SOX6: variants seen among roughly 807,000 people sequenced by gnomAD.
The protein encoded by SOX6 is SRY-box transcription factor 6, also known as transcription factor SOX-6.
In SOX6, 11 loss-of-function variants were observed where a neutral mutation model predicts 97.8. That is an observed-to-expected ratio of 0.11 (90% CI 0.07 to 0.19). The LOEUF (loss-of-function observed/expected upper bound fraction) is 0.19. Among genes scored for constraint, SOX6 ranks in the 10% least tolerant of loss-of-function variants. The pLI is 1.00. For synonymous variants in SOX6, 360 were observed against 371.4 expected (o/e 0.97, Z 0.35); for missense variants, 810 against 1,039.5 (o/e 0.78, Z 3.04).
At chr11:16,169,944 A>G (rs1850988050) in intron 6 of SOX6, among the ~76,000 whole-genome samples, 1 of 151,900 alleles carries the variant, frequency 6.6e-6, no homozygotes, top group Admixed American at 6.6e-5. Flanking sequence ...AAAAAGTGGT[A>G]GATTCATGTT....
intron 4 of SOX6, among the ~76,000 whole-genome samples, chr11:16,195,243 T>G (rs374415508): frequency 2.6e-5 from 4 of 152,170 alleles, no homozygotes; most frequent in African/African-American, 9.6e-5. Context: ...AAAACTAAGC[T>G]ATTGAGACAG....
intron 3 of SOX6, among the ~76,000 whole-genome samples, chr11:16,677,001 C>G (rs1221525660): frequency 1.3e-5 from 2 of 152,066 alleles, no homozygotes; most frequent in Non-Finnish European, 2.9e-5. Flanking sequence ...CCCAGCCTTT[C>G]TTCCTCAGCT....
intron 13 of SOX6, among the ~76,000 whole-genome samples, chr11:16,007,435 C>T (rs749339955): frequency 6.6e-6 from 1 of 151,980 alleles, no homozygotes; most frequent in South Asian, 2.1e-4. Flanking sequence ...ATAAGAACAC[C>T]TTGGTTAAGA....
intron 3 of SOX6, among the ~76,000 whole-genome samples, chr11:16,278,801 C>G: frequency 6.6e-6 from 1 of 151,978 alleles, no homozygotes; most frequent in African/African-American, 2.4e-5. Context: ...TTAAATGAGG[C>G]TAGAATATAG....
intron 6 of SOX6, among the ~76,000 whole-genome samples, chr11:16,168,468 C>T (rs1396186636): frequency 1.3e-5 from 2 of 152,148 alleles, no homozygotes; most frequent in Non-Finnish European, 2.9e-5. Context: ...TACTGTTTCT[C>T]ATATTCAGAT....
chr11:16,718,170 G>A (rs906133486), intron 2 of SOX6, among the ~76,000 whole-genome samples: 6 of 150,166 alleles, frequency 4.0e-5, no homozygotes, highest in African/African-American at 1.5e-4. Context: ...CATTTCCTTT[G>A]TAGTCTTGAG....
intron 1 of SOX6, among the ~76,000 whole-genome samples, chr11:16,353,253 C>G (rs1216392103): frequency 6.6e-6 from 1 of 151,918 alleles, no homozygotes; most frequent in Non-Finnish European, 1.5e-5. Flanking sequence ...TGAGAGAAAA[C>G]AAGATGAGGA....
At chr11:16,446,425 T>C (rs1473266760) in intron 1 of SOX6, among the ~76,000 whole-genome samples, 1 of 152,078 alleles carries the variant, frequency 6.6e-6, no homozygotes, top group Non-Finnish European at 1.5e-5. Context: ...TATTTTCTAT[T>C]TTACAGAAAG....
chr11:16,331,689 C>T (rs1401669833), intron 2 of SOX6, among the ~76,000 whole-genome samples: 3 of 152,122 alleles, frequency 2.0e-5, no homozygotes, highest in East Asian at 3.9e-4. Context: ...ACTTATAAAA[C>T]AATGATCTAT....
chr11:16,521,554 A>G (rs549224217), intron 4 of SOX6, among the ~76,000 whole-genome samples: 2 of 152,320 alleles, frequency 1.3e-5, no homozygotes, highest in East Asian at 3.9e-4. Flanking sequence ...GAAAAACTGG[A>G]AACTCTAAAA....
chr11:16,016,615 A>C (rs1854893766), intron 12 of SOX6, among the ~76,000 whole-genome samples: 1 of 152,106 alleles, frequency 6.6e-6, no homozygotes, highest in African/African-American at 2.4e-5. Flanking sequence ...GCCTTGTGGG[A>C]GCTTCAGACG....
At chr11:16,394,221 C>T (rs1398772049) in intron 1 of SOX6, among the ~76,000 whole-genome samples, 2 of 151,774 alleles carry the variant, frequency 1.3e-5, no homozygotes, top group African/African-American at 2.4e-5. Context: ...TCATTTACTG[C>T]TCTAAAATAA....
intron 3 of SOX6, among the ~76,000 whole-genome samples, chr11:16,305,212 C>T (rs991619466): frequency 6.6e-6 from 1 of 152,110 alleles, no homozygotes; most frequent in Non-Finnish European, 1.5e-5. Context: ...ACTTTCACAA[C>T]AGCAAAAATA....
At chr11:16,037,116 A>T (rs868795739) in intron 12 of SOX6, among the ~76,000 whole-genome samples, 7 of 152,316 alleles carry the variant, frequency 4.6e-5, no homozygotes, top group South Asian at 2.1e-4. Context: ...AATCATAACT[A>T]TATATATTTT....
chr11:15,974,704 C>A (rs1245328174), intron 15 of SOX6, among the ~76,000 whole-genome samples: 1 of 152,060 alleles, frequency 6.6e-6, no homozygotes, highest in Non-Finnish European at 1.5e-5. Flanking sequence ...CCATGCCCTC[C>A]AGCCTGGCAG....
chr11:16,403,818 T>C (rs1858620971), intron 1 of SOX6, among the ~76,000 whole-genome samples: 1 of 151,678 alleles, frequency 6.6e-6, no homozygotes, highest in Admixed American at 6.6e-5. Context: ...TGTTTTTTCC[T>C]TTCCCACTTT....
intron 6 of SOX6, among the ~76,000 whole-genome samples, chr11:16,170,349 A>G (rs2134082715): frequency 6.6e-6 from 1 of 151,794 alleles, no homozygotes; most frequent in South Asian, 2.1e-4. Flanking sequence ...ATACAACTTC[A>G]CAGCTACTTA....
At chr11:16,515,971 G>T (rs1268578940) in intron 4 of SOX6, among the ~76,000 whole-genome samples, 2 of 151,676 alleles carry the variant, frequency 1.3e-5, no homozygotes, top group South Asian at 2.1e-4. Context: ...TAGTTTGAAG[G>T]CAGGTAGTGT....
At chr11:16,336,419 T>C (rs146229843) in intron 2 of SOX6, among the ~76,000 whole-genome samples, 13 of 152,292 alleles carry the variant, frequency 8.5e-5, no homozygotes, top group African/African-American at 3.1e-4. Flanking sequence ...CTTAAAACGT[T>C]GTCTCCACCC....
Sources: allele counts gnomAD v4.1 joint callset (sites outside exome capture counted in the v4.1 genomes callset), GRCh38; gene constraint gnomAD v4.1.1; transcripts MANE v1.5; gene names NCBI Gene and HGNC (gene_info 2026-07-23, HGNC 2026-07-21).